The following NRG1 variants were observed in gnomAD, a reference collection of about 807,000 sequenced individuals.
NRG1 encodes pro-neuregulin-1, membrane-bound isoform.
A neutral mutation model predicts 63.8 loss-of-function variants in NRG1; 18 were observed. The ratio of observed to expected loss-of-function variants is 0.28; its 90% CI spans 0.19 to 0.42. NRG1 has a LOEUF of 0.42. Among genes scored for constraint, NRG1 ranks in the 10% least tolerant of loss-of-function variants. The pLI is 1.00. For missense variants in NRG1, 762 were observed against 814.7 expected (o/e 0.94, Z 0.79); for synonymous variants, 302 against 301.3 (o/e 1.00, Z -0.02).
chr8:32,528,738 T>A (rs574170370), intron 1 of NRG1, among the ~76,000 whole-genome samples: 1 of 152,144 alleles, frequency 6.6e-6, no homozygotes, highest in African/African-American at 2.4e-5. Flanking sequence ...CAACATATGG[T>A]TCTTCTCATA....
chr8:31,994,236 T>C (rs1463410894), intron 1 of NRG1, among the ~76,000 whole-genome samples: 1 of 151,888 alleles, frequency 6.6e-6, no homozygotes, highest in Non-Finnish European at 1.5e-5. Context: ...ACGGGAGCAA[T>C]CTGTAAAGAA....
chr8:31,954,497 G>A (rs1215155972), intron 1 of NRG1, among the ~76,000 whole-genome samples: 2 of 152,154 alleles, frequency 1.3e-5, no homozygotes, highest in Non-Finnish European at 2.9e-5. Context: ...GTTCTCAAGA[G>A]GCATTTGTTG....
At chr8:32,483,221 C>T (rs1300921169) in intron 1 of NRG1, among the ~76,000 whole-genome samples, 1 of 152,206 alleles carries the variant, frequency 6.6e-6, no homozygotes, top group African/African-American at 2.4e-5. Flanking sequence ...ACTTCTCTGC[C>T]ACTTCTCTGG....
At chr8:32,645,687 G>A (rs1853368391) in intron 5 of NRG1, among the ~76,000 whole-genome samples, 1 of 152,170 alleles carries the variant, frequency 6.6e-6, no homozygotes, top group Admixed American at 6.5e-5. Flanking sequence ...TATAGATTTA[G>A]AGAGAGTTTT....
chr8:32,152,471 A>G (rs1837608116), intron 1 of NRG1, among the ~76,000 whole-genome samples: 1 of 152,212 alleles, frequency 6.6e-6, no homozygotes, highest in Admixed American at 6.5e-5. Flanking sequence ...AAGGACAACT[A>G]ATTAATACTT....
At chr8:32,487,419 G>GT (rs1826041482) in intron 1 of NRG1, among the ~76,000 whole-genome samples, 1 of 151,628 alleles carries the variant, frequency 6.6e-6, no homozygotes, top group Non-Finnish European at 1.5e-5. Context: ...TTTGGAGGTT[G>GT]GTTTTTTTTT....
At chr8:32,513,079 G>A (rs953987192) in intron 1 of NRG1, among the ~76,000 whole-genome samples, 8 of 152,056 alleles carry the variant, frequency 5.3e-5, no homozygotes, top group African/African-American at 1.7e-4. Context: ...TCAAGCCAAA[G>A]TGAGATTAGG....
At chr8:32,053,747 T>C (rs1372536487) in intron 1 of NRG1, among the ~76,000 whole-genome samples, 1 of 152,210 alleles carries the variant, frequency 6.6e-6, no homozygotes, top group African/African-American at 2.4e-5. Flanking sequence ...AAAAGAATGA[T>C]GAGGAGTCAT....
chr8:32,382,070 G>T (rs1996563), intron 1 of NRG1, among the ~76,000 whole-genome samples: 124,815 of 152,134 alleles, frequency 0.82, 51,814 homozygotes, highest in Non-Finnish European at 0.87. Context: ...TAAGTTCTTA[G>T]AATTTAGAAG....
chr8:32,049,414 G>A (rs1003824469), intron 1 of NRG1, among the ~76,000 whole-genome samples: 3 of 152,076 alleles, frequency 2.0e-5, no homozygotes, highest in Non-Finnish European at 2.9e-5. Context: ...AGATAGAAAA[G>A]CCCAGAAACA....
At chr8:32,088,192 C>A (rs1324850772) in intron 1 of NRG1, among the ~76,000 whole-genome samples, 5 of 152,114 alleles carry the variant, frequency 3.3e-5, no homozygotes, top group African/African-American at 7.2e-5. Context: ...GTGTGTGTAT[C>A]GTCTCTCTAC....
chr8:31,925,826 C>CT (rs1365431166), intron 1 of NRG1, among the ~76,000 whole-genome samples: 1 of 152,068 alleles, frequency 6.6e-6, no homozygotes, highest in Non-Finnish European at 1.5e-5. Context: ...TTTTATTTCA[C>CT]TGGTAAAATT....
At chr8:32,394,977 A>T (rs1812256026) in intron 1 of NRG1, among the ~76,000 whole-genome samples, 1 of 152,198 alleles carries the variant, frequency 6.6e-6, no homozygotes, top group South Asian at 2.1e-4. Flanking sequence ...GGTGAGAAGA[A>T]TGGCTATAAG....
chr8:31,724,609 A>AT (rs34946053), intron 1 of NRG1, among the ~76,000 whole-genome samples: 27 of 151,644 alleles, frequency 1.8e-4, no homozygotes, highest in African/African-American at 5.3e-4. Context: ...GGATGCCAAC[A>AT]TTTTTTTTTA....
intron 1 of NRG1, among the ~76,000 whole-genome samples, chr8:32,427,623 T>C: frequency 6.6e-6 from 1 of 152,202 alleles, no homozygotes; most frequent in East Asian, 1.9e-4. Context: ...AACAACATAT[T>C]GGTAAACCTG....
intron 1 of NRG1, among the ~76,000 whole-genome samples, chr8:32,506,766 G>A (rs1828579584): frequency 6.6e-6 from 1 of 152,052 alleles, no homozygotes; most frequent in African/African-American, 2.4e-5. Context: ...TGTAATCCCA[G>A]CACTTTGGGA....
chr8:32,662,172 C>T (rs1563888667), intron 5 of NRG1, among the ~76,000 whole-genome samples: 1 of 151,894 alleles, frequency 6.6e-6, no homozygotes, highest in Non-Finnish European at 1.5e-5. Flanking sequence ...TCAAAAATAC[C>T]CTTAAGAAAT....
intron 1 of NRG1, among the ~76,000 whole-genome samples, chr8:32,511,367 G>GTGTGTATA (rs1338353608): frequency 3.3e-5 from 4 of 122,078 alleles, no homozygotes; most frequent in Admixed American, 8.0e-5. Flanking sequence ...ATATATATGT[G>GTGTGTATA]TATATATATA....
At chr8:32,023,748 A>G (rs16878670) in intron 1 of NRG1, among the ~76,000 whole-genome samples, 38,508 of 152,102 alleles carry the variant, frequency 0.25, 5,637 homozygotes, top group East Asian at 0.66. Flanking sequence ...CCTTCTCTGG[A>G]AGAAAGAAAA....
Sources: allele counts gnomAD v4.1 joint callset (sites outside exome capture counted in the v4.1 genomes callset), GRCh38; gene constraint gnomAD v4.1.1; transcripts MANE v1.5; gene names NCBI Gene and HGNC (gene_info 2026-07-23, HGNC 2026-07-21).